Variants in ADPGK observed in about 807,000 individuals in gnomAD.
The protein encoded by ADPGK is ADP dependent glucokinase, also known as ADP-dependent glucokinase.
ADPGK carries 26 observed loss-of-function variants against 42.4 expected under a neutral mutation model. The ratio of observed to expected loss-of-function variants is 0.61; its 90% confidence interval spans 0.45 to 0.85. The LOEUF (loss-of-function observed/expected upper bound fraction) is 0.85. Ranked by LOEUF, ADPGK falls within the 40% of genes least tolerant of loss-of-function variation. The probability of loss-of-function intolerance (pLI) is 0.00; values close to 1 mark genes in which losing one functional copy is unlikely to be tolerated. For missense variants in ADPGK, 571 were observed against 627.0 expected (o/e 0.91, Z 0.95); for synonymous variants, 267 against 252.6 (o/e 1.06, Z -0.54).
chr15:72,769,901 A>G (rs2066308579), intron 3 of ADPGK, among the ~76,000 whole-genome samples: 1 of 152,204 alleles, frequency 6.6e-6, no homozygotes, highest in African/African-American at 2.4e-5. Context: ...ATAGGGCCCT[A>G]TGAAGATTTA....
chr15:72,766,553 T>G (rs2066262518), intron 3 of ADPGK, among the ~76,000 whole-genome samples: 1 of 152,236 alleles, frequency 6.6e-6, no homozygotes. Flanking sequence ...TAAAATTGTG[T>G]ACACTTTTTT....
intron 3 of ADPGK, among the ~76,000 whole-genome samples, chr15:72,761,355 C>T (rs747508704): frequency 5.3e-5 from 8 of 152,166 alleles, no homozygotes; most frequent in African/African-American, 1.7e-4. Context: ...TATCCTCAAC[C>T]GGGTGACCTC....
chr15:72,771,329 T>C (rs2066326687), intron 3 of ADPGK, among the ~76,000 whole-genome samples: 2 of 152,186 alleles, frequency 1.3e-5, no homozygotes, highest in Admixed American at 6.5e-5. Context: ...CGGCCAACCG[T>C]TGTTTTCCCT....
chr15:72,771,833 C>T lies in ADPGK; in HGVS notation c.472G>A (p.Gly158Arg). 1.2e-6 allele frequency: 2 copies of T among 1,612,974 alleles called. No individual in the cohort carries two copies. The highest frequency in any genetic ancestry group is 1.7e-6 in the Non-Finnish European group (2 of 1,179,392). ...EFPGAQHYVG[G>R]NAALIGQKFA... ...TTCTGTCCAATTAAAGCTGCATTTC[C>T]TCCTACATAGTGCTGTAAGAGAGTT... Residue 158 changes from glycine (G) to arginine (R), a missense_variant, in exon 3 of 7, where the codon GGA (glycine) becomes AGA (arginine). Coordinates refer to ENST00000456471, the MANE Select transcript of ADPGK (RefSeq NM_001365225.1).
chr15:72,753,681 T>C (rs1387253428), intron 6 of ADPGK, among the ~76,000 whole-genome samples: 1 of 152,248 alleles, frequency 6.6e-6, no homozygotes, highest in African/African-American at 2.4e-5. Context: ...CTGCATGTTC[T>C]TCTGTGTCAG....
chr15:72,760,242 G>C, intron 4 of ADPGK, 165 bp downstream of exon 4: 1 of 797,520 alleles, frequency 1.3e-6, no homozygotes, highest in Non-Finnish European at 1.8e-6. Context: ...TTGAGACAAC[G>C]GCCAGTATCA....
chr15:72,782,956 AG>A (rs2066484051), intron 1 of ADPGK: 1 of 153,014 alleles, frequency 6.5e-6, no homozygotes, highest in African/African-American at 2.4e-5. Flanking sequence ...AAGGCTGCAG[AG>A]TAGATAATGA....
At chr15:72,782,647 C>G (rs1228466029) in intron 1 of ADPGK, among the ~76,000 whole-genome samples, 1 of 151,352 alleles carries the variant, frequency 6.6e-6, no homozygotes, top group Non-Finnish European at 1.5e-5. Context: ...CAAGTTTGCT[C>G]TACTTTACCC....
intron 1 of ADPGK, among the ~76,000 whole-genome samples, chr15:72,779,730 TCTC>T (rs1289972339): frequency 1.3e-5 from 2 of 152,102 alleles, no homozygotes; most frequent in East Asian, 1.9e-4. Flanking sequence ...ATTTTTACCT[TCTC>T]CTCTTCTCTT....
At chr15:72,753,855 C>T (rs1832298266) in intron 6 of ADPGK, among the ~76,000 whole-genome samples, 1 of 151,704 alleles carries the variant, frequency 6.6e-6, no homozygotes, top group South Asian at 2.1e-4. Context: ...GAAGAAAAAC[C>T]CAAACAAAAG....
At chr15:72,770,719 A>C (rs1046828706) in intron 3 of ADPGK, among the ~76,000 whole-genome samples, 5 of 152,138 alleles carry the variant, frequency 3.3e-5, no homozygotes, top group Non-Finnish European at 5.9e-5. Context: ...ATTTCATGAG[A>C]ACTTTGATTC....
intron 3 of ADPGK, among the ~76,000 whole-genome samples, chr15:72,760,920 T>C (rs1267040226): frequency 6.6e-6 from 1 of 152,070 alleles, no homozygotes; most frequent in East Asian, 1.9e-4. Flanking sequence ...GTAATTAATA[T>C]GAAATGAGGT....
At chr15:72,766,173 T>TC (rs1371327815) in intron 3 of ADPGK, among the ~76,000 whole-genome samples, 1 of 152,066 alleles carries the variant, frequency 6.6e-6, no homozygotes, top group Non-Finnish European at 1.5e-5. Flanking sequence ...AATTTTTTTT[T>TC]AGAGATGGGG....
At chr15:72,756,525 A>G (rs1595788716) in intron 4 of ADPGK, 78 bp from the exon 5 acceptor site, 1 of 1,471,290 alleles carries the variant, frequency 6.8e-7, no homozygotes, top group African/African-American at 1.4e-5. Context: ...ACTTTCAGGC[A>G]CCTCACAGGA....
In ADPGK at chr15:72,774,907, TGTC is replaced by T; in HGVS notation, c.421_423del (p.Asp141del). ...GGGAACTCTGATGCAACCTGGGCAA[TGTC>T]GTGAAAAGTTTCCTTATCACTGAAG... On this transcript the variant is annotated inframe_deletion, in exon 2 of 7. Coordinates refer to ENST00000456471, the MANE Select transcript of ADPGK (RefSeq NM_001365225.1). The T allele has an allele frequency of 6.2e-7, 1 of 1,614,044 alleles. No homozygotes were observed. Among genetic ancestry groups the T allele is most frequent in the South Asian group, 1.1e-5 (1 of 91,082 alleles).
chr15:72,782,749 C>A (rs2066480058), intron 1 of ADPGK: 1 of 151,956 alleles, frequency 6.6e-6, no homozygotes, highest in South Asian at 2.1e-4. Context: ...GAGATTACGG[C>A]AAGAAAGTCA....
intron 5 of ADPGK, 118 bp downstream of exon 5, chr15:72,756,133 G>A: frequency 7.8e-7 from 1 of 1,283,058 alleles, no homozygotes; most frequent in South Asian, 1.2e-5. Flanking sequence ...ACAGCCAGCT[G>A]CCAAGATATG....
At chr15:72,756,759 A>C in intron 4 of ADPGK, 1 of 381,948 alleles carries the variant, frequency 2.6e-6, no homozygotes, top group Non-Finnish European at 4.8e-6. Flanking sequence ...ACAGTACAGA[A>C]TGGCAGCATG....
intron 1 of ADPGK, among the ~76,000 whole-genome samples, chr15:72,778,037 C>CT (rs2151093327): frequency 6.6e-6 from 1 of 152,080 alleles, no homozygotes; most frequent in Non-Finnish European, 1.5e-5. Flanking sequence ...TCACTTGAGC[C>CT]TAGGAGTTCC....
Sources: allele counts gnomAD v4.1 joint callset (sites outside exome capture counted in the v4.1 genomes callset), GRCh38; gene constraint gnomAD v4.1.1; transcripts MANE v1.5; gene names NCBI Gene and HGNC (gene_info 2026-07-23, HGNC 2026-07-21).